Variants in ALPK1 observed in about 807,000 individuals in gnomAD.
ALPK1 encodes alpha-protein kinase 1.
In ALPK1, 110 loss-of-function variants were observed where a neutral mutation model predicts 120.6. The ratio of observed to expected loss-of-function variants is 0.91; its 90% CI spans 0.78 to 1.07. ALPK1 has a LOEUF of 1.07. Ranked by LOEUF, ALPK1 falls within the 50% of genes least tolerant of loss-of-function variation. The probability of loss-of-function intolerance (pLI) is 0.00; values close to 1 mark genes in which losing one functional copy is unlikely to be tolerated. For synonymous variants in ALPK1, 582 were observed against 560.3 expected (o/e 1.04, Z -0.55); for missense variants, 1,498 against 1,483.9 (o/e 1.01, Z -0.16).
intron 4 of ALPK1, among the ~76,000 whole-genome samples, chr4:112,407,241 T>C (rs1390568845): frequency 1.3e-5 from 2 of 152,166 alleles, no homozygotes; most frequent in Admixed American, 1.3e-4. Flanking sequence ...TGCAACAACA[T>C]GAACATACTT....
chr4:112,370,085 G>A (rs985741236), intron 2 of ALPK1, among the ~76,000 whole-genome samples: 2 of 152,100 alleles, frequency 1.3e-5, no homozygotes, highest in Non-Finnish European at 2.9e-5. Flanking sequence ...GGTACTAATT[G>A]TCCAGTGAAA....
intron 6 of ALPK1, chr4:112,424,912 C>G (rs1734169694): frequency 6.6e-6 from 1 of 152,182 alleles, no homozygotes; most frequent in Non-Finnish European, 1.5e-5. Context: ...AGTTTTCAGG[C>G]CACAGCCTTT....
chr4:112,368,762 T>C (rs1261528540), intron 2 of ALPK1, among the ~76,000 whole-genome samples: 3 of 152,204 alleles, frequency 2.0e-5, no homozygotes, highest in African/African-American at 7.2e-5. Context: ...CACAGACAAT[T>C]TTCCTGGGAG....
At chr4:112,409,696 T>G (rs192557703) in intron 4 of ALPK1, among the ~76,000 whole-genome samples, 6 of 152,292 alleles carry the variant, frequency 3.9e-5, no homozygotes, top group Non-Finnish European at 8.8e-5. Flanking sequence ...AAGTCATACA[T>G]GCCCACTTTA....
At chr4:112,398,689 A>G (rs1732776224) in intron 4 of ALPK1, among the ~76,000 whole-genome samples, 1 of 152,150 alleles carries the variant, frequency 6.6e-6, no homozygotes, top group African/African-American at 2.4e-5. Flanking sequence ...TAGAGGGATC[A>G]TTCTGTTTGC....
At chr4:112,368,047 T>C (rs1448673832) in intron 2 of ALPK1, among the ~76,000 whole-genome samples, 1 of 152,022 alleles carries the variant, frequency 6.6e-6, no homozygotes. Context: ...CCACCTATAA[T>C]TCATTGCACC....
chr4:112,340,906 G>A (rs1729833667), intron 2 of ALPK1, among the ~76,000 whole-genome samples: 1 of 152,228 alleles, frequency 6.6e-6, no homozygotes, highest in South Asian at 2.1e-4. Context: ...TAAGATGTGT[G>A]ATTTGCAGTC....
chr4:112,440,816 T>C, intron 14 of ALPK1, 101 bp from the exon 15 acceptor site: 1 of 1,416,408 alleles, frequency 7.1e-7, no homozygotes. Context: ...TCTTTAAGTG[T>C]GTGTGTGTGT....
At position 112,426,453 on chromosome 4, in the gene ALPK1, C is replaced by CG; in HGVS notation, c.623-14_623-13insG. The CG allele has an allele frequency of 1.4e-6, 2 of 1,451,320 alleles. No individual in the cohort carries two copies. Among genetic ancestry groups the CG allele is most frequent in the Non-Finnish European group, 1.9e-6 (2 of 1,062,950 alleles). The allele number at this position is 1,451,320 out of a possible 1,614,324, so 89.9% of individuals were successfully genotyped here. A position where few individuals can be genotyped will look rare whatever the true frequency, so the allele number is the denominator to read the frequency against. On this transcript the variant is annotated splice_polypyrimidine_tract_variant and intron_variant, in intron 7 of 15. Transcript: ENST00000650871. ...CTCCCCTGTCCCTCTCCCCGCCCCT[C>CG]TTTTTTTTTTCAGGGATGTGGTACG...
intron 2 of ALPK1, among the ~76,000 whole-genome samples, chr4:112,375,038 C>G (rs1731588701): frequency 6.6e-6 from 1 of 152,106 alleles, no homozygotes; most frequent in Non-Finnish European, 1.5e-5. Context: ...GTCACCCTGT[C>G]CTTTGGAGCT....
intron 4 of ALPK1, among the ~76,000 whole-genome samples, chr4:112,411,571 C>T (rs1347140833): frequency 2.0e-5 from 3 of 152,132 alleles, no homozygotes; most frequent in African/African-American, 7.2e-5. Flanking sequence ...TTTTTAACAA[C>T]GGGAAGTATG....
At chr4:112,330,437 T>C (rs1729315556) in intron 2 of ALPK1, among the ~76,000 whole-genome samples, 1 of 152,082 alleles carries the variant, frequency 6.6e-6, no homozygotes, top group African/African-American at 2.4e-5. Flanking sequence ...AAAAAGGAAA[T>C]GGGTTAAGGT....
In ALPK1 at chr4:112,382,461, T is replaced by TGCCTG; in HGVS notation, c.186_190dup (p.Glu64GlyfsTer19). ...GCAAAGGAAATGAAGTGGCCCTTCGTGCCTGAAAAGTGGCAGTACAAACAA... is the reference window on the plus strand; with the variant it reads ...GCAAAGGAAATGAAGTGGCCCTTCGTGCCTGGCCTGAAAAGTGGCAGTACAAACAA... On this transcript the variant is annotated frameshift_variant, in exon 4 of 16. Transcript: ENST00000650871. LOFTEE classifies it high-confidence loss of function. 6.2e-7 allele frequency: 1 copy of TGCCTG among 1,614,096 alleles called. No homozygotes were observed.
At chr4:112,358,745 G>C in intron 2 of ALPK1, 1 of 798,896 alleles carries the variant, frequency 1.3e-6, no homozygotes. Context: ...ACTCGGAGGA[G>C]CCCGTGGCTG....
rs1031246126 is a variant in ALPK1 at position 112,357,373 on chromosome 4, G to A, written c.-100-20305G>A. On this transcript the variant is annotated intron_variant, in intron 2 of 15. Transcript: ENST00000650871. ...ATGGCCCTGGTTCCCTGGCAGGGCT[G>A]GGGGCCTATAAAGTGCACATCCATC... 3 of 707,854 alleles carry A rather than the reference G, an allele frequency of 4.2e-6. No homozygotes were observed. The African/African-American group carries it at 5.3e-5, about 12-fold the overall frequency. The allele number at this position is 707,854 out of a possible 1,614,324, so 43.8% of individuals were successfully genotyped here.
At chr4:112,365,109 G>A (rs1731083362) in intron 2 of ALPK1, among the ~76,000 whole-genome samples, 1 of 152,166 alleles carries the variant, frequency 6.6e-6, no homozygotes, top group Non-Finnish European at 1.5e-5. Flanking sequence ...CATACTGAAT[G>A]TGGAAAAGTT....
intron 12 of ALPK1, among the ~76,000 whole-genome samples, chr4:112,436,346 A>C (rs1162135076): frequency 1.3e-5 from 2 of 152,198 alleles, no homozygotes; most frequent in African/African-American, 4.8e-5. Flanking sequence ...CAGAGATGTT[A>C]AGGAATTGCC....
chr4:112,326,165 A>G (rs1167369756), intron 2 of ALPK1, among the ~76,000 whole-genome samples: 2 of 152,116 alleles, frequency 1.3e-5, no homozygotes, highest in Non-Finnish European at 2.9e-5. Context: ...CCTTCCCAAC[A>G]TCCCATTTTT....
At chr4:112,412,941 G>A (rs568227275) in intron 5 of ALPK1, among the ~76,000 whole-genome samples, 22 of 152,316 alleles carry the variant, frequency 1.4e-4, no homozygotes, top group African/African-American at 5.3e-4. Context: ...AGAGACAAAA[G>A]GACATGGGAG....
Sources: gnomAD v4.1 joint callset for allele counts (sites outside exome capture counted in the v4.1 genomes callset) on GRCh38, gnomAD v4.1.1 for gene constraint, MANE v1.5 for transcripts, NCBI Gene and HGNC (gene_info 2026-07-23, HGNC 2026-07-21) for gene names.